The following POLD1 variants were observed in gnomAD, a reference collection of about 807,000 sequenced individuals.
The protein encoded by POLD1 is DNA polymerase delta 1, catalytic subunit.
Under a neutral mutation model 129.7 loss-of-function variants are expected in POLD1, and 79 were observed. That is an observed-to-expected ratio of 0.61 (90% CI 0.51 to 0.73). The LOEUF is 0.73. Ranked by LOEUF, POLD1 falls within the 30% of genes least tolerant of loss-of-function variation. POLD1 has a pLI of 0.00. For missense variants in POLD1, 1,338 were observed against 1,595.8 expected (o/e 0.84, Z 2.75); for synonymous variants, 714 against 683.3 (o/e 1.04, Z -0.70).
intron 20 of POLD1, 33 bp downstream of exon 20, chr19:50,415,023 G>A (rs974097182): frequency 1.4e-6 from 2 of 1,478,880 alleles, no homozygotes; most frequent in East Asian, 2.5e-5. Flanking sequence ...GACTCAGGGG[G>A]CTGGGCCCCA....
chr19:50,401,460 CAA>C (rs1248587242), intron 3 of POLD1, among the ~76,000 whole-genome samples: 2 of 132,756 alleles, frequency 1.5e-5, no homozygotes, highest in African/African-American at 5.6e-5. Flanking sequence ...AGGCTGGTCT[CAA>C]AGTCCTGGGC....
At chr19:50,404,235 C>T (rs2038779102) in intron 10 of POLD1, among the ~76,000 whole-genome samples, 1 of 151,914 alleles carries the variant, frequency 6.6e-6, no homozygotes, top group African/African-American at 2.4e-5. Flanking sequence ...CGTCTTCTCT[C>T]TGTGCGTGTC....
At chr19:50,405,909 C>A (rs2038859501) in intron 10 of POLD1, among the ~76,000 whole-genome samples, 1 of 152,124 alleles carries the variant, frequency 6.6e-6, no homozygotes, top group Admixed American at 6.5e-5. Flanking sequence ...CTAGGTACAG[C>A]CCGCAGACAC....
chr19:50,416,601 C>A lies in POLD1; in HGVS notation c.2954-9C>A, dbSNP rs755855889. The stretch of plus-strand genomic sequence containing the variant: ...ATCACCGGCCCACCACCTGCCTCCT[C>A]TCCTGCAGGGGGGGACCACACGCGC... On this transcript the variant is annotated splice_polypyrimidine_tract_variant and intron_variant, in intron 23 of 26. Transcript: ENST00000440232. 6.4e-7 allele frequency: 1 copy of A among 1,555,266 alleles called. No individual in the cohort carries two copies. The highest frequency in any genetic ancestry group is 2.4e-5 in the East Asian group (1 of 41,604).
chr19:50,406,488 G>A lies in POLD1; in HGVS notation c.1465G>A (p.Val489Met), dbSNP rs753244422. 38 of 1,592,502 alleles carry A rather than the reference G, an allele frequency of 2.4e-5. No homozygotes were observed. Among genetic ancestry groups the A allele is most frequent in the Admixed American group, 1.6e-4 (9 of 57,020 alleles). The change falls in exon 12 of 27, where the codon GTG (valine) becomes ATG (methionine). Residue 489 changes from valine to methionine, a missense_variant. Val to Met is a conservative substitution (Grantham distance 21). Coordinates refer to ENST00000440232, the MANE Select transcript of POLD1 (RefSeq NM_002691.4). This position sits in a 1 kb window ranked among gnomAD's most constrained non-coding sequence, Gnocchi z 5.5. ...FHFLGEQKED[V>M]QHSIITDLQN... ...CTTCCTGGGCGAGCAGAAGGAGGAC[G>A]TGCAGCACAGCATCATCACCGACCT...
At chr19:50,394,002 C>G (rs997269888) in intron 1 of POLD1, 8 of 152,252 alleles carry the variant, frequency 5.3e-5, no homozygotes, top group Non-Finnish European at 1.2e-4. Context: ...AAGGAGCCCC[C>G]AAAACACAGT....
chr19:50,416,547 A>C lies in POLD1; in HGVS notation c.2953+19A>C. ...CTACTGCGTACGGGGGCACCAGGGG[A>C]CTGGGGGCACCCTGGGGGGGCAGAG... is the stretch of plus-strand genomic sequence containing the variant. On this transcript the variant is annotated intron_variant, in intron 23 of 26. Transcript: ENST00000440232. 1 of 1,548,528 alleles carries C rather than the reference A, an allele frequency of 6.5e-7. No homozygotes were observed.
chr19:50,387,189 C>T (rs1001436632), intron 1 of POLD1, among the ~76,000 whole-genome samples: 3 of 152,042 alleles, frequency 2.0e-5, no homozygotes, highest in African/African-American at 4.8e-5. Context: ...ACATGGTGGG[C>T]GCCTGTAATC....
intron 1 of POLD1, among the ~76,000 whole-genome samples, chr19:50,384,597 G>T (rs1466488505): frequency 6.6e-6 from 1 of 151,890 alleles, no homozygotes; most frequent in South Asian, 2.1e-4. Context: ...TTCCTCGGCG[G>T]GCAGGGGGCG....
At chr19:50,404,072 C>G (rs555423650) in intron 10 of POLD1, among the ~76,000 whole-genome samples, 1 of 152,050 alleles carries the variant, frequency 6.6e-6, no homozygotes, top group African/African-American at 2.4e-5. Flanking sequence ...CTGAAAACAG[C>G]AAAAAGTCAT....
At position 50,415,425 on chromosome 19, in the gene POLD1, C is replaced by T. The variant is rs559638270; in HGVS notation, c.2565-13C>T. 14 of 1,605,416 alleles carry T rather than the reference C, an allele frequency of 8.7e-6. No individual in the cohort carries two copies. The East Asian group carries it at 2.2e-4, about 26-fold the overall frequency. ...TGCCTTTTGGTGACGCTGTGCGGCCCGCTCTCCTACAGAGACCCTGAGGGC... is the reference window on the plus strand; with the variant it reads ...TGCCTTTTGGTGACGCTGTGCGGCCTGCTCTCCTACAGAGACCCTGAGGGC... On this transcript the variant is annotated splice_polypyrimidine_tract_variant and intron_variant, in intron 20 of 26. Transcript: ENST00000440232.
At chr19:50,390,978 C>T (rs948795670) in intron 1 of POLD1, among the ~76,000 whole-genome samples, 3 of 152,186 alleles carry the variant, frequency 2.0e-5, no homozygotes, top group Non-Finnish European at 4.4e-5. Context: ...CTTCTTTCTA[C>T]ACAGACACAG....
At chr19:50,415,052 C>T in intron 20 of POLD1, 62 bp downstream of exon 20, 1 of 1,391,266 alleles carries the variant, frequency 7.2e-7, no homozygotes, top group Non-Finnish European at 9.5e-7. Flanking sequence ...CTCCCTCAGA[C>T]CCAGGAGTCT....
At chr19:50,413,932 A>G (rs2122453739) in intron 19 of POLD1, 53 bp downstream of exon 19, 1 of 1,510,830 alleles carries the variant, frequency 6.6e-7, no homozygotes, top group African/African-American at 1.4e-5. Flanking sequence ...CAGGGTACTC[A>G]GGGTGTCCCG....
intron 26 of POLD1, among the ~76,000 whole-genome samples, 151 bp from the exon 27 acceptor site, chr19:50,417,687 CCCCG>C (rs2039378071): frequency 8.6e-5 from 12 of 138,926 alleles, no homozygotes; most frequent in African/African-American, 3.0e-4. Context: ...CCCCCACCCC[CCCCG>C]TGCCTGCTGA....
Position 50,414,883 on chromosome 19 carries a change from C to A in POLD1, c.2457C>A (p.Asp819Glu). Residue 819 changes from aspartate (D) to glutamate (E), a missense_variant, in exon 20 of 27, where the codon GAC becomes GAA. Physicochemically the swap from Asp to Glu is conservative, Grantham distance 45. Transcript: ENST00000440232. Reference protein sequence around the residue: ...YAGLLFSSRPDAHDRMDCKGL... With the variant: ...YAGLLFSSRPEAHDRMDCKGL... ...GCCTGCTCTTCTCCTCCCGGCCCGA[C>A]GCCCACGACCGCATGGACTGCAAGG... 6.2e-7 allele frequency: 1 copy of A among 1,607,542 alleles called. No individual in the cohort carries two copies.
rs532523142 is a variant in POLD1 at position 50,401,854 on chromosome 19, C to T, written c.393C>T (p.Thr131=). ...SVPVLRAFGV[T]DEGFSVCCHI... ...CTGTGCTCCGCGCCTTCGGGGTCACCGATGAGGGGTTCTCTGTCTGCTGCC... is the reference window on the plus strand; with the variant it reads ...CTGTGCTCCGCGCCTTCGGGGTCACTGATGAGGGGTTCTCTGTCTGCTGCC... The change falls in exon 4 of 27, where the codon ACC becomes ACT. Residue 131 remains threonine, a synonymous_variant. Coordinates refer to ENST00000440232, the MANE Select transcript of POLD1 (RefSeq NM_002691.4). 4.6e-5 allele frequency: 75 copies of T among 1,613,968 alleles called. 1 individual carries two copies. Among genetic ancestry groups the T allele is most frequent in the South Asian group, 4.6e-4 (42 of 91,088 alleles).
In POLD1 at chr19:50,415,784, C is replaced by A; in HGVS notation, c.2778C>A (p.Ile926=). ...PSLGDRVPYV[I]ISAAKGVAAY... The stretch of plus-strand genomic sequence containing the variant: ...TGGGCGACCGCGTCCCCTACGTGAT[C>A]ATCAGTGCCGCCAAGGGTGTGGCCG... The change falls in exon 22 of 27, where the codon ATC becomes ATA. Residue 926 remains isoleucine, a synonymous_variant. Coordinates refer to ENST00000440232, the MANE Select transcript of POLD1 (RefSeq NM_002691.4). 1.9e-6 allele frequency: 3 copies of A among 1,568,484 alleles called. No individual in the cohort carries two copies. Among genetic ancestry groups the A allele is most frequent in the Admixed American group, 1.8e-5 (1 of 54,278 alleles).
chr19:50,414,709 C>T (rs2039209982), intron 19 of POLD1, 106 bp from the exon 20 acceptor site: 2 of 960,126 alleles, frequency 2.1e-6, no homozygotes. Context: ...CTCCCATGTC[C>T]TCAAACTGCG....
Sources: gnomAD v4.1 joint callset for allele counts (sites outside exome capture counted in the v4.1 genomes callset) on GRCh38, gnomAD v4.1.1 for gene constraint, Gnocchi (gnomAD v3.1) non-coding constraint, MANE v1.5 for transcripts, NCBI Gene and HGNC (gene_info 2026-07-23, HGNC 2026-07-21) for gene names.